The following PDZRN4 variants were observed in gnomAD, a reference collection of about 807,000 sequenced individuals.
PDZRN4 encodes PDZ domain containing ring finger 4, also known as PDZ domain-containing RING finger protein 4.
Under a neutral mutation model 99.0 loss-of-function variants are expected in PDZRN4, and 70 were observed. That is an observed-to-expected ratio of 0.71 (90% confidence interval 0.58 to 0.86). The LOEUF (loss-of-function observed/expected upper bound fraction) is 0.86, where lower values mean the gene tolerates loss of function less well. Among genes scored for constraint, PDZRN4 ranks in the 40% least tolerant of loss-of-function variants. The pLI, the probability that PDZRN4 is intolerant of heterozygous loss-of-function variation, is 0.00. For synonymous variants in PDZRN4, 551 were observed against 501.6 expected, an observed-to-expected ratio of 1.10 and a Z score of -1.32; for missense variants, 1,474 against 1,331.2, an observed-to-expected ratio of 1.11 and a Z score of -1.67.
At chr12:41,436,238 G>C (rs1053628024) in intron 3 of PDZRN4, among the ~76,000 whole-genome samples, 1 of 152,144 alleles carries the variant, frequency 6.6e-6, no homozygotes, top group Non-Finnish European at 1.5e-5. Flanking sequence ...CATCCAGGCT[G>C]TTAGGTGAAA....
chr12:41,553,137 T>G (rs1592109193), intron 6 of PDZRN4, among the ~76,000 whole-genome samples: 1 of 152,346 alleles, frequency 6.6e-6, no homozygotes, highest in East Asian at 1.9e-4. Flanking sequence ...CTAATTGTTT[T>G]AAATTACTAC....
At chr12:41,248,971 T>C (rs1220233341) in intron 3 of PDZRN4, among the ~76,000 whole-genome samples, 1 of 152,190 alleles carries the variant, frequency 6.6e-6, no homozygotes, top group Non-Finnish European at 1.5e-5. Context: ...ATATGAACCA[T>C]ATATGCATAG....
intron 3 of PDZRN4, among the ~76,000 whole-genome samples, chr12:41,269,887 T>A (rs1025705613): frequency 6.6e-6 from 1 of 152,138 alleles, no homozygotes; most frequent in Non-Finnish European, 1.5e-5. Context: ...TAAACCATAA[T>A]AAGCATTCTG....
intron 3 of PDZRN4, among the ~76,000 whole-genome samples, chr12:41,306,513 G>T (rs916050863): frequency 1.3e-5 from 2 of 152,112 alleles, no homozygotes; most frequent in African/African-American, 2.4e-5. Context: ...GTTTCGACTG[G>T]GGTGGGTGAT....
chr12:41,287,655 A>G (rs1386821382), intron 3 of PDZRN4, among the ~76,000 whole-genome samples: 2 of 152,184 alleles, frequency 1.3e-5, no homozygotes, highest in Non-Finnish European at 2.9e-5. Context: ...TAGGCACTTC[A>G]CCATCTGAGG....
At chr12:41,235,209 T>C (rs1195716977) in intron 3 of PDZRN4, among the ~76,000 whole-genome samples, 2 of 152,144 alleles carry the variant, frequency 1.3e-5, no homozygotes, top group Admixed American at 6.6e-5. Context: ...CAATCAAATA[T>C]GAACTCTTCA....
intron 5 of PDZRN4, among the ~76,000 whole-genome samples, chr12:41,546,147 T>C (rs1158116467): frequency 6.6e-6 from 1 of 152,184 alleles, no homozygotes; most frequent in African/African-American, 2.4e-5. Context: ...AAGCAGTCAC[T>C]ATGGTCGTCA....
chr12:41,446,591 A>T (rs976495187), intron 3 of PDZRN4, among the ~76,000 whole-genome samples: 1 of 151,978 alleles, frequency 6.6e-6, no homozygotes, highest in Non-Finnish European at 1.5e-5. Flanking sequence ...AAAAATAATG[A>T]TTCTGCATGT....
At chr12:41,539,530 G>A (rs1466299603) in intron 5 of PDZRN4, among the ~76,000 whole-genome samples, 1 of 151,900 alleles carries the variant, frequency 6.6e-6, no homozygotes, top group African/African-American at 2.4e-5. Flanking sequence ...TTCCTGTTAT[G>A]ATGACCACAG....
intron 3 of PDZRN4, among the ~76,000 whole-genome samples, chr12:41,246,432 A>T (rs535521512): frequency 1.3e-5 from 2 of 152,198 alleles, no homozygotes; most frequent in Non-Finnish European, 2.9e-5. Context: ...GTATGGATGG[A>T]TATTAATCTA....
intron 3 of PDZRN4, among the ~76,000 whole-genome samples, chr12:41,271,977 T>C (rs983275302): frequency 1.3e-5 from 2 of 152,104 alleles, no homozygotes; most frequent in Non-Finnish European, 2.9e-5. Flanking sequence ...CAAATGATTT[T>C]GCAACATCAT....
intron 3 of PDZRN4, among the ~76,000 whole-genome samples, chr12:41,384,748 A>T (rs1445602027): frequency 1.3e-5 from 2 of 152,162 alleles, no homozygotes; most frequent in Admixed American, 6.6e-5. Context: ...GGAATCATGC[A>T]TCTCCTATTA....
intron 3 of PDZRN4, among the ~76,000 whole-genome samples, chr12:41,407,139 C>A (rs996176695): frequency 1.3e-5 from 2 of 152,118 alleles, no homozygotes; most frequent in African/African-American, 2.4e-5. Flanking sequence ...ATTAACACTG[C>A]CTTTATTAAT....
intron 3 of PDZRN4, among the ~76,000 whole-genome samples, chr12:41,366,932 G>T (rs1016586158): frequency 1.3e-5 from 2 of 152,044 alleles, no homozygotes; most frequent in African/African-American, 4.8e-5. Flanking sequence ...GCAGTTGGGG[G>T]ATGAGAGGGT....
chr12:41,252,063 C>G (rs988644353), intron 3 of PDZRN4, among the ~76,000 whole-genome samples: 5 of 151,970 alleles, frequency 3.3e-5, no homozygotes, highest in African/African-American at 7.3e-5. Context: ...ATGCAGTAAG[C>G]CATCATCAAG....
intron 7 of PDZRN4, among the ~76,000 whole-genome samples, chr12:41,555,999 T>C (rs1387445930): frequency 6.6e-6 from 1 of 152,178 alleles, no homozygotes; most frequent in Non-Finnish European, 1.5e-5. Flanking sequence ...ATTTGACTTC[T>C]CTTCCAGCTT....
chr12:41,461,983 T>C (rs905244101), intron 3 of PDZRN4, among the ~76,000 whole-genome samples: 3 of 152,158 alleles, frequency 2.0e-5, no homozygotes, highest in African/African-American at 7.2e-5. Context: ...TGTTCACATT[T>C]ATAATTAACC....
chr12:41,248,809 A>C (rs1951150192), intron 3 of PDZRN4, among the ~76,000 whole-genome samples: 1 of 152,166 alleles, frequency 6.6e-6, no homozygotes, highest in Admixed American at 6.5e-5. Context: ...GTAATGTAGC[A>C]TTTTAAAAAT....
At chr12:41,346,694 T>A (rs1462696363) in intron 3 of PDZRN4, among the ~76,000 whole-genome samples, 1 of 152,104 alleles carries the variant, frequency 6.6e-6, no homozygotes, top group Non-Finnish European at 1.5e-5. Context: ...TACTAAATAA[T>A]TTTTTTAAGT....
Sources: allele counts gnomAD v4.1 joint callset (sites outside exome capture counted in the v4.1 genomes callset), GRCh38; gene constraint gnomAD v4.1.1; transcripts MANE v1.5; gene names NCBI Gene and HGNC (gene_info 2026-07-23, HGNC 2026-07-21).